Variants in KCNN1 observed in about 807,000 individuals in gnomAD.
KCNN1 encodes the protein small conductance calcium-activated potassium channel protein 1.
A neutral mutation model predicts 44.7 loss-of-function variants in KCNN1; 20 were observed. The ratio of observed to expected loss-of-function variants is 0.45; its 90% confidence interval spans 0.32 to 0.65. The LOEUF (loss-of-function observed/expected upper bound fraction) is 0.65, where lower values mean the gene tolerates loss of function less well. KCNN1 is among the 30% of genes least tolerant of loss of function. The pLI is 0.05. For synonymous variants in KCNN1, 324 were observed against 341.7 expected (o/e 0.95, Z 0.57); for missense variants, 632 against 785.3 (o/e 0.80, Z 2.33).
Position 17,988,405 on chromosome 19 carries a change from C to T in KCNN1, c.1060-10C>T. 6.2e-7 allele frequency: 1 copy of T among 1,607,728 alleles called. No homozygotes were observed. The highest frequency in any genetic ancestry group is 8.5e-7 in the Non-Finnish European group (1 of 1,177,044). On this transcript the variant is annotated splice_polypyrimidine_tract_variant and intron_variant, in intron 5 of 9. Transcript: ENST00000684775. Reference sequence around the variant, plus strand: ...AGGACGCTGATGTGCCCCCTCTGCCCTGCACACAGGGAGCTGGCTGTACCG... The same window carrying T: ...AGGACGCTGATGTGCCCCCTCTGCCTTGCACACAGGGAGCTGGCTGTACCG...
Position 17,974,300 on chromosome 19 carries a change from G to A in KCNN1, c.402+10G>A, listed in dbSNP as rs747429566. 1.9e-6 allele frequency: 3 copies of A among 1,547,846 alleles called. No homozygotes were observed. The highest frequency in any genetic ancestry group is 8.7e-7 in the Non-Finnish European group (1 of 1,145,106). On this transcript the variant is annotated intron_variant, in intron 2 of 9. Transcript: ENST00000684775. The surrounding 1 kb of genome is among the most constrained non-coding windows in gnomAD (Gnocchi z 7.3). ...GGGGGTGTACACCAAGGTAGGCGTG[G>A]TCCTCCCCCAGGCACTCCAGGGAGG... is the stretch of plus-strand genomic sequence containing the variant.
At chr19:17,965,540 G>A (rs1190761999), upstream of KCNN1, among the ~76,000 whole-genome samples, 2 of 152,138 alleles carry the variant, frequency 1.3e-5, no homozygotes, top group Non-Finnish European at 2.9e-5. Flanking sequence ...CTGGAGGTGG[G>A]AACTGTGGCG....
chr19:17,962,496 TACC>T (rs1207732701), upstream of KCNN1, among the ~76,000 whole-genome samples: 4 of 152,148 alleles, frequency 2.6e-5, no homozygotes, highest in African/African-American at 9.7e-5. Flanking sequence ...TGTGTGTCTT[TACC>T]ACCACAGTGT....
chr19:17,962,671 T>A (rs2031708261), upstream of KCNN1, among the ~76,000 whole-genome samples: 1 of 150,610 alleles, frequency 6.6e-6, no homozygotes, highest in Admixed American at 6.6e-5. Context: ...CCCCTGCAGT[T>A]CCCAGGAGCC....
chr19:17,974,021 G>A lies in KCNN1; in HGVS notation c.133G>A (p.Val45Ile). 6.2e-7 allele frequency: 1 copy of A among 1,604,204 alleles called. No individual in the cohort carries two copies. The highest frequency in any genetic ancestry group is 8.5e-7 in the Non-Finnish European group (1 of 1,176,548). ...CCCGCACAGCCCGGGCCTCCAGGTG[G>A]TAGTGGCCAAGAGTGAGCCAGCCCG... ...QPPHSPGLQV[V>I]VAKSEPARPS... is the part of the protein sequence containing the mutation. Residue 45 changes from valine to isoleucine, a missense_variant, in exon 2 of 10, where the codon GTA (valine) becomes ATA (isoleucine). Physicochemically the swap from Val to Ile is conservative, Grantham distance 29. This residue lies in a region of KCNN1 where 235 missense variants were observed against 224.0 expected (regional missense o/e 1.05). Coordinates refer to ENST00000684775, the MANE Select transcript of KCNN1 (RefSeq NM_001386974.1). The surrounding 1 kb of genome is among the most constrained non-coding windows in gnomAD (Gnocchi z 7.3).
At chr19:17,982,946 A>T (rs1211274864) in intron 4 of KCNN1, among the ~76,000 whole-genome samples, 1 of 152,006 alleles carries the variant, frequency 6.6e-6, no homozygotes, top group Non-Finnish European at 1.5e-5. Flanking sequence ...AGCCTGAGGC[A>T]GGAGAATCGC....
chr19:17,957,908 CCAGGGTAGAGCCT>C (rs1442737403), intron 2 of KCNN1, among the ~76,000 whole-genome samples: 1 of 151,890 alleles, frequency 6.6e-6, no homozygotes. Flanking sequence ...TGGGTTGGTA[CCAGGGTAGAGCCT>C]CAGATGGAAA....
chr19:17,981,599 T>C (rs1355852784), intron 3 of KCNN1, 110 bp from the exon 4 acceptor site: 2 of 802,818 alleles, frequency 2.5e-6, no homozygotes, highest in East Asian at 6.0e-5. Context: ...AATCCGAGCC[T>C]GTGGGGTTTC....
At chr19:17,968,638 G>A (rs2031904617) in intron 1 of KCNN1, among the ~76,000 whole-genome samples, 1 of 152,104 alleles carries the variant, frequency 6.6e-6, no homozygotes, top group Non-Finnish European at 1.5e-5. Context: ...GGAGCCATCA[G>A]CCCTGCTCCC....
chr19:17,996,050 C>T (rs1239109278), intron 9 of KCNN1, among the ~76,000 whole-genome samples: 1 of 151,464 alleles, frequency 6.6e-6, no homozygotes. Flanking sequence ...GAAAATCAGG[C>T]CAGATGCAGT....
At chr19:17,958,890 C>T (rs1336314487) in intron 2 of KCNN1, among the ~76,000 whole-genome samples, 1 of 150,824 alleles carries the variant, frequency 6.6e-6, no homozygotes, top group Non-Finnish European at 1.5e-5. Context: ...TTAGTAGAGA[C>T]GGGGTTTCAC....
intron 9 of KCNN1, among the ~76,000 whole-genome samples, chr19:17,995,543 G>A (rs974956893): frequency 3.3e-5 from 5 of 151,970 alleles, no homozygotes; most frequent in Admixed American, 2.0e-4. Flanking sequence ...GAACATGGGG[G>A]TTATGGGGTG....
chr19:17,998,184 G>T lies in KCNN1; in HGVS notation c.1410G>T (p.Glu470Asp). Residue 470 changes from glutamate (E) to aspartate (D), a missense_variant, in exon 10 of 10, where the codon GAG becomes GAT. Coordinates refer to ENST00000684775, the MANE Select transcript of KCNN1 (RefSeq NM_001386974.1). The surrounding 1 kb of genome is among the most constrained non-coding windows in gnomAD (Gnocchi z 5.4). Reference protein sequence around the residue: ...TQTVMYDLVSELHAQHEELEA... With the variant: ...TQTVMYDLVSDLHAQHEELEA... Reference sequence around the variant, plus strand: ...CCGTCATGTACGACCTTGTATCGGAGCTGCACGCTCAGCACGAGGAGCTGG... The same window carrying T: ...CCGTCATGTACGACCTTGTATCGGATCTGCACGCTCAGCACGAGGAGCTGG... 6.2e-7 allele frequency: 1 copy of T among 1,601,220 alleles called. No homozygotes were observed.
chr19:17,978,651 C>T (rs1243010963), intron 3 of KCNN1, among the ~76,000 whole-genome samples: 1 of 150,772 alleles, frequency 6.6e-6, no homozygotes, highest in Non-Finnish European at 1.5e-5. Flanking sequence ...CAGGATTTTC[C>T]TATGTTGCCC....
chr19:17,985,213 T>C, intron 4 of KCNN1, 99 bp from the exon 5 acceptor site: 1 of 1,235,868 alleles, frequency 8.1e-7, no homozygotes, highest in Non-Finnish European at 1.1e-6. Flanking sequence ...CGAGGTGGAC[T>C]CAGGGCCCTC....
chr19:17,989,889 G>A (rs760440783), intron 7 of KCNN1, 46 bp downstream of exon 7: 27 of 1,610,414 alleles, frequency 1.7e-5, no homozygotes, highest in Middle Eastern at 1.7e-4. Context: ...TCCACATGGC[G>A]CGGAGGCAGC....
At position 17,973,977 on chromosome 19, in the gene KCNN1, C is replaced by T. The variant is rs776164871; in HGVS notation, c.89C>T (p.Ala30Val). The change falls in exon 2 of 10, where the codon GCC (alanine) becomes GTC (valine). Residue 30 changes from alanine to valine, a missense_variant. Around this residue, in one of 3 missense-constraint regions of KCNN1, gnomAD observed 235 missense variants for 224.0 expected, o/e 1.05. Transcript: ENST00000684775. The stretch of plus-strand genomic sequence containing the variant: ...GGACGAGACCCTCCGGACCCTGAGG[C>T]CGGCCACCCCCCACAACCCCCGCAC... The part of the protein sequence containing the change: ...ALGRDPPDPE[A>V]GHPPQPPHSP... 1.2e-5 allele frequency: 19 copies of T among 1,569,720 alleles called. No individual in the cohort carries two copies. In the South Asian group the frequency reaches 1.8e-4, roughly 15 times the overall value.
At chr19:17,986,380 A>G (rs926982102) in intron 5 of KCNN1, among the ~76,000 whole-genome samples, 4 of 151,980 alleles carry the variant, frequency 2.6e-5, no homozygotes, top group South Asian at 2.1e-4. Context: ...AAAAAAAGAA[A>G]AAAGAAACCT....
chr19:17,981,960 A>T lies in KCNN1; in HGVS notation c.750A>T (p.Lys250Asn). 1 of 1,610,890 alleles carries T rather than the reference A, an allele frequency of 6.2e-7. No homozygotes were observed. Among genetic ancestry groups the T allele is most frequent in the Non-Finnish European group, 8.5e-7 (1 of 1,178,842 alleles). The change falls in exon 4 of 10, where the codon AAA becomes AAT. Residue 250 changes from lysine to asparagine, a missense_variant. Lys to Asn is a moderately conservative substitution (Grantham distance 94). This residue lies in a region of KCNN1 where 160 missense variants were observed against 308.3 expected (regional missense o/e 0.52). Coordinates refer to ENST00000684775, the MANE Select transcript of KCNN1 (RefSeq NM_001386974.1). ...GCCGGGTGATGCTACTGCACAGCAA[A>T]ATCTTCACGGACGCCTCGAGCCGCA... ...LLGRVMLLHS[K>N]IFTDASSRSI...
Sources: gnomAD v4.1 joint callset for allele counts (sites outside exome capture counted in the v4.1 genomes callset) on GRCh38, gnomAD v4.1.1 for gene constraint, gnomAD v4.1.1 regional missense constraint, Gnocchi (gnomAD v3.1) non-coding constraint, MANE v1.5 for transcripts, NCBI Gene and HGNC (gene_info 2026-07-23, HGNC 2026-07-21) for gene names.